GLYATL3: variants seen among roughly 807,000 people sequenced by gnomAD.
GLYATL3 encodes glycine N-acyltransferase-like protein 3.
A neutral mutation model predicts 28.5 loss-of-function variants in GLYATL3; 31 were observed. That is an observed-to-expected ratio of 1.09 (90% CI 0.82 to 1.47). The LOEUF (loss-of-function observed/expected upper bound fraction) is 1.47. Ranked by LOEUF, GLYATL3 falls within the 40% of genes most tolerant of loss-of-function variation. GLYATL3 has a pLI of 0.00. For synonymous variants in GLYATL3, 141 were observed against 140.2 expected (o/e 1.01, Z -0.04); for missense variants, 369 against 351.5 (o/e 1.05, Z -0.40).
At chr6:49,525,560 C>CAAAAAAAAAAAAAAAAAAAAAAAA (rs56711143) in intron 5 of GLYATL3, among the ~76,000 whole-genome samples, 1 of 66,594 alleles carries the variant, frequency 1.5e-5, no homozygotes, top group African/African-American at 6.5e-5. Context: ...GCAAGGCTCT[C>CAAAAAAAAAAAAAAAAAAAAAAAA]AAAAAAAAAA....
In GLYATL3 at chr6:49,517,351, T is replaced by C; in HGVS notation, c.187-79T>C. Reference sequence around the variant, plus strand: ...TAAAAATTAGCTAGACATGTCCAGCTAACGGTATCTAATCTACCTAAGATT... The same window carrying C: ...TAAAAATTAGCTAGACATGTCCAGCCAACGGTATCTAATCTACCTAAGATT... On this transcript the variant is annotated intron_variant, in intron 3 of 5. Coordinates refer to ENST00000371197, the MANE Select transcript of GLYATL3 (RefSeq NM_001010904.2). 3 of 1,265,716 alleles carry C rather than the reference T, an allele frequency of 2.4e-6. No individual in the cohort carries two copies. The South Asian group carries it at 5.5e-5, about 23-fold the overall frequency. The allele number at this position is 1,265,716 out of a possible 1,614,324, so 78.4% of individuals were successfully genotyped here. A position where few individuals can be genotyped will look rare whatever the true frequency, so the allele number is the denominator to read the frequency against.
chr6:49,506,602 C>T (rs1002979865), intron 1 of GLYATL3, among the ~76,000 whole-genome samples: 1 of 151,968 alleles, frequency 6.6e-6, no homozygotes, highest in Admixed American at 6.6e-5. Flanking sequence ...TTGTAATGCC[C>T]CCATAGGTTT....
intron 1 of GLYATL3, among the ~76,000 whole-genome samples, chr6:49,505,132 A>G (rs1378506643): frequency 6.6e-6 from 1 of 152,220 alleles, no homozygotes; most frequent in Non-Finnish European, 1.5e-5. Context: ...TTCTGCATCT[A>G]TAATGGCTAG....
chr6:49,502,796 A>G (rs940483765), intron 1 of GLYATL3, among the ~76,000 whole-genome samples: 1 of 152,122 alleles, frequency 6.6e-6, no homozygotes, highest in Non-Finnish European at 1.5e-5. Context: ...TAAATAATTT[A>G]CTCCTTTTAA....
chr6:49,515,692 T>C lies in GLYATL3; in HGVS notation c.118T>C (p.Phe40Leu). 3.9e-6 allele frequency: 6 copies of C among 1,551,360 alleles called. No homozygotes were observed. The highest frequency in any genetic ancestry group is 5.2e-6 in the Non-Finnish European group (6 of 1,146,606). The change falls in exon 3 of 6, where the codon TTT (phenylalanine) becomes CTT (leucine). Residue 40 changes from phenylalanine (F) to leucine (L), a missense_variant. Coordinates refer to ENST00000371197, the MANE Select transcript of GLYATL3 (RefSeq NM_001010904.2). ...AVMNINRGNP[F>L]QKEVVLDSWP... ...GATGAACATAAATCGTGGGAACCCC[T>C]TTCAAAAGGAAGTGGTGTTGGATTC... is the stretch of plus-strand genomic sequence containing the variant.
At chr6:49,519,065 C>A (rs1218388415) in intron 4 of GLYATL3, among the ~76,000 whole-genome samples, 2 of 152,152 alleles carry the variant, frequency 1.3e-5, no homozygotes, top group African/African-American at 4.8e-5. Flanking sequence ...ATGATTCTAT[C>A]ACTTCCACAG....
chr6:49,505,755 CA>C (rs1277062403), intron 1 of GLYATL3, among the ~76,000 whole-genome samples: 3 of 152,166 alleles, frequency 2.0e-5, no homozygotes, highest in South Asian at 4.1e-4. Flanking sequence ...CTAACCCAAT[CA>C]AAGTGGCCAT....
At position 49,528,010 on chromosome 6, in the gene GLYATL3, T is replaced by C. The variant is rs1769454265; in HGVS notation, c.*1096T>C. 1.3e-5 allele frequency among the ~76,000 whole-genome samples: 2 copies of C among 152,214 alleles called. No individual in the cohort carries two copies. The highest frequency in any genetic ancestry group is 6.5e-5 in the Admixed American group (1 of 15,278). On this transcript the variant is annotated 3_prime_UTR_variant, in exon 6 of 6. Transcript: ENST00000371197. ...GCCATTTTAATTCCAATCTGTTATT[T>C]TCACTAAATCATGTATCCTTTTTTA...
chr6:49,514,497 T>C (rs1020508943), intron 2 of GLYATL3, among the ~76,000 whole-genome samples: 1 of 152,190 alleles, frequency 6.6e-6, no homozygotes, highest in African/African-American at 2.4e-5. Context: ...ACATGTGACA[T>C]ATGCAAGCTA....
intron 5 of GLYATL3, among the ~76,000 whole-genome samples, chr6:49,524,229 AT>A (rs1178706681): frequency 6.8e-6 from 1 of 148,058 alleles, no homozygotes; most frequent in African/African-American, 2.5e-5. Context: ...TCAATTGAAA[AT>A]TCCATTAGGC....
intron 1 of GLYATL3, among the ~76,000 whole-genome samples, chr6:49,501,773 A>G (rs1768917577): frequency 6.6e-6 from 1 of 152,228 alleles, no homozygotes; most frequent in Admixed American, 6.5e-5. Flanking sequence ...TTAACCCTAA[A>G]GAGGCCTAGA....
intron 2 of GLYATL3, 116 bp downstream of exon 2, chr6:49,512,184 G>A (rs1391268250): frequency 4.0e-5 from 18 of 452,238 alleles, no homozygotes; most frequent in Non-Finnish European, 6.6e-5. Context: ...AGGAGCACTT[G>A]TTAAACATAC....
At chr6:49,504,145 G>T (rs144077191) in intron 1 of GLYATL3, among the ~76,000 whole-genome samples, 1 of 152,180 alleles carries the variant, frequency 6.6e-6, no homozygotes, top group East Asian at 1.9e-4. Context: ...GCCAGACCTG[G>T]ATCGCTGGAG....
chr6:49,517,157 TA>T (rs35821614), intron 3 of GLYATL3, among the ~76,000 whole-genome samples: 81 of 134,502 alleles, frequency 6.0e-4, no homozygotes, highest in African/African-American at 1.8e-3. Flanking sequence ...AGACTCTGTC[TA>T]AAAAAAAAAA....
chr6:49,516,457 G>A (rs1473833156), intron 3 of GLYATL3, among the ~76,000 whole-genome samples: 1 of 152,086 alleles, frequency 6.6e-6, no homozygotes. Context: ...TGGAAGAAGA[G>A]TGAAGACAAC....
At chr6:49,502,098 A>C (rs930799824) in intron 1 of GLYATL3, among the ~76,000 whole-genome samples, 1 of 152,170 alleles carries the variant, frequency 6.6e-6, no homozygotes, top group African/African-American at 2.4e-5. Flanking sequence ...TTTACTCCAT[A>C]GCAATAGTTT....
intron 1 of GLYATL3, among the ~76,000 whole-genome samples, chr6:49,505,171 C>T (rs1032866964): frequency 1.3e-5 from 2 of 152,110 alleles, no homozygotes; most frequent in African/African-American, 4.8e-5. Context: ...TTTATGATTA[C>T]CACTGGATAA....
At chr6:49,515,808 G>T (rs1484978082) in intron 3 of GLYATL3, 48 bp downstream of exon 3, 1 of 1,031,658 alleles carries the variant, frequency 9.7e-7, no homozygotes, top group Non-Finnish European at 1.5e-6. Flanking sequence ...GAATTGGAAA[G>T]AAAAAGTAGG....
At chr6:49,501,100 TGCTATTAAGAA>T (rs1453444279) in intron 1 of GLYATL3, among the ~76,000 whole-genome samples, 1 of 152,154 alleles carries the variant, frequency 6.6e-6, no homozygotes, top group East Asian at 1.9e-4. Context: ...GTAGAGGTTT[TGCTATTAAGAA>T]GCTGGAGGCC....
Sources: gnomAD v4.1 joint callset for allele counts (sites outside exome capture counted in the v4.1 genomes callset) on GRCh38, gnomAD v4.1.1 for gene constraint, MANE v1.5 for transcripts, NCBI Gene and HGNC (gene_info 2026-07-23, HGNC 2026-07-21) for gene names.